SLC9A6: variants seen among roughly 807,000 people sequenced by gnomAD.
SLC9A6 encodes sodium/hydrogen exchanger 6.
SLC9A6 carries 6 observed loss-of-function variants against 45.3 expected under a neutral mutation model. That is an observed-to-expected ratio of 0.13 (90% CI 0.07 to 0.26). The LOEUF (loss-of-function observed/expected upper bound fraction) is 0.26, where lower values mean the gene tolerates loss of function less well. Ranked by LOEUF, SLC9A6 falls within the 10% of genes least tolerant of loss-of-function variation. The pLI is 1.00. For missense variants in SLC9A6, 278 were observed against 503.7 expected (o/e 0.55, Z 4.29); for synonymous variants, 191 against 187.7 (o/e 1.02, Z -0.14).
intron 7 of SLC9A6, among the ~76,000 whole-genome samples, chrX:136,004,800 A>G (rs1246272808): frequency 8.9e-6 from 1 of 112,339 alleles, no homozygotes; most frequent in Non-Finnish European, 1.9e-5. Flanking sequence ...TGTAACTCAT[A>G]TTGATACTGA....
chrX:136,026,249 C>T lies in SLC9A6; in HGVS notation c.1460+1766C>T, dbSNP rs187245963. On this transcript the variant is annotated intron_variant, in intron 13 of 17. Coordinates refer to ENST00000630721, the MANE Select transcript of SLC9A6 (RefSeq NM_001379110.1). ...TACAATTTTAAGGGCACTGCAAAGTCCTGAAAGTTTAAGATTCATGCAGAC... is the reference window on the plus strand; with the variant it reads ...TACAATTTTAAGGGCACTGCAAAGTTCTGAAAGTTTAAGATTCATGCAGAC... Among the ~76,000 whole-genome samples, 128 of 111,855 alleles carry T rather than the reference C, an allele frequency of 1.1e-3. 2 individuals carry two copies. The highest frequency in any genetic ancestry group is 2.0e-3 in the Non-Finnish European group (109 of 53,172).
Position 135,985,472 on chromosome X carries a change from G to A in SLC9A6, c.-62G>A. The A allele has an allele frequency of 9.8e-7, 1 of 1,023,757 alleles. No homozygotes were observed. Among genetic ancestry groups the A allele is most frequent in the East Asian group, 3.8e-5 (1 of 26,220 alleles). 84.4% of individuals were successfully genotyped at this position (1,023,757 alleles called of 1,213,427 possible). A position where few individuals can be genotyped will look rare whatever the true frequency, so the allele number is the denominator to read the frequency against. Reference sequence around the variant, plus strand: ...AGTGGTCCGACCGCGGGCGGCCGCCGGTGAGGTAGGGGCGGGAGGCGGGGG... The same window carrying A: ...AGTGGTCCGACCGCGGGCGGCCGCCAGTGAGGTAGGGGCGGGAGGCGGGGG... On this transcript the variant is annotated 5_prime_UTR_variant, in exon 1 of 18. Transcript: ENST00000630721.
At chrX:135,996,926 C>A (rs1210915784) in intron 3 of SLC9A6, among the ~76,000 whole-genome samples, 2 of 109,699 alleles carry the variant, frequency 1.8e-5, no homozygotes, top group Non-Finnish European at 3.8e-5. Flanking sequence ...GCCACCACGC[C>A]CGGCTAATTT....
rs1338596286 is a variant in SLC9A6 at position 135,994,871 on chromosome X, A to G, written c.255A>G (p.Ser85=). The change falls in exon 3 of 18, where the codon TCA becomes TCG. Residue 85 remains serine (S), a synonymous_variant. Coordinates refer to ENST00000630721, the MANE Select transcript of SLC9A6 (RefSeq NM_001379110.1). The part of the protein sequence containing the change: ...NNVTLSCEVQ[S]SPTTLLVNVS... Reference sequence around the variant, plus strand: ...TGACCCTGAGCTGTGAAGTGCAGTCAAGTCCAACTACCTTACTGGTAAATG... The same window carrying G: ...TGACCCTGAGCTGTGAAGTGCAGTCGAGTCCAACTACCTTACTGGTAAATG... The G allele has an allele frequency of 1.7e-6, 2 of 1,206,787 alleles. No individual in the cohort carries two copies. Among genetic ancestry groups the G allele is most frequent in the African/African-American group, 3.5e-5 (2 of 57,133 alleles).
chrX:135,987,068 G>C (rs2089351127), intron 2 of SLC9A6, among the ~76,000 whole-genome samples: 1 of 111,417 alleles, frequency 9.0e-6, no homozygotes, highest in African/African-American at 3.3e-5. Flanking sequence ...AGCAAGGAAA[G>C]GTAGTTGTGT....
At chrX:136,030,772 C>T (rs1392605795) in intron 15 of SLC9A6, among the ~76,000 whole-genome samples, 3 of 111,818 alleles carry the variant, frequency 2.7e-5, no homozygotes, top group Non-Finnish European at 5.6e-5. Flanking sequence ...TCACTGCCCT[C>T]TCTAGACTGA....
chrX:135,991,178 TA>T (rs1354295547), intron 2 of SLC9A6, among the ~76,000 whole-genome samples: 1 of 111,792 alleles, frequency 8.9e-6, no homozygotes, highest in Non-Finnish European at 1.9e-5. Context: ...GAATCATTAC[TA>T]CTCTAAAAAA....
At chrX:136,041,339 A>C in intron 17 of SLC9A6, among the ~76,000 whole-genome samples, 1 of 111,175 alleles carries the variant, frequency 9.0e-6, no homozygotes, top group Non-Finnish European at 1.9e-5. Context: ...AGTGAACCTC[A>C]TGTGAAACCA....
intron 17 of SLC9A6, among the ~76,000 whole-genome samples, chrX:136,041,439 G>A (rs1474291642): frequency 5.4e-5 from 6 of 111,943 alleles, no homozygotes; most frequent in African/African-American, 1.3e-4. Flanking sequence ...GTGTTATGTC[G>A]TGTCAGTGCA....
chrX:135,999,106 A>G (rs1187689119), intron 6 of SLC9A6, 138 bp downstream of exon 6: 8 of 483,611 alleles, frequency 1.7e-5, no homozygotes, highest in Non-Finnish European at 2.9e-5. Context: ...ATTGTGGAGG[A>G]AAAAACAAAA....
Position 136,044,764 on chromosome X carries a change from A to G in SLC9A6, c.*40A>G. 1 of 1,176,919 alleles carries G rather than the reference A, an allele frequency of 8.5e-7. No homozygotes were observed. Among genetic ancestry groups the G allele is most frequent in the South Asian group, 1.8e-5 (1 of 56,099 alleles). On this transcript the variant is annotated 3_prime_UTR_variant, in exon 18 of 18. Transcript: ENST00000630721. ...ACTTAGTGATTTGTAAAATTTGCACATGTGATTGTGAAGAAATTTGTACTA... is the reference window on the plus strand; with the variant it reads ...ACTTAGTGATTTGTAAAATTTGCACGTGTGATTGTGAAGAAATTTGTACTA...
intron 2 of SLC9A6, among the ~76,000 whole-genome samples, chrX:135,989,586 C>T (rs1173929794): frequency 8.9e-6 from 1 of 112,274 alleles, no homozygotes; most frequent in African/African-American, 3.2e-5. Context: ...GACTATGGCT[C>T]ATACCTTATT....
chrX:136,044,530 A>G lies in SLC9A6; in HGVS notation c.1846A>G (p.Thr616Ala), dbSNP rs1556623194. The G allele has an allele frequency of 6.6e-6, 8 of 1,205,833 alleles. No individual in the cohort carries two copies. The highest frequency in any genetic ancestry group is 2.2e-5 in the Admixed American group (1 of 45,731). Residue 616 changes from threonine (T) to alanine (A), a missense_variant, in exon 18 of 18, where the codon ACT (threonine) becomes GCT (alanine). Physicochemically the swap from Thr to Ala is moderately conservative, Grantham distance 58. This residue lies in a region of SLC9A6 where 91 missense variants were observed against 125.1 expected (regional missense o/e 0.73). Transcript: ENST00000630721. ...GDISLTYGDS[T>A]VNTEPATSSA... ...CATCAGTTTGACATATGGAGATTCTACTGTGAACACTGAACCGGCCACATC... is the reference window on the plus strand; with the variant it reads ...CATCAGTTTGACATATGGAGATTCTGCTGTGAACACTGAACCGGCCACATC...
At chrX:135,998,998 C>A in intron 6 of SLC9A6, 30 bp downstream of exon 6, 1 of 928,741 alleles carries the variant, frequency 1.1e-6, no homozygotes, top group Non-Finnish European at 1.6e-6. Context: ...AGTTTACATA[C>A]TTGAGGTGCA....
chrX:136,035,919 ATT>A (rs200801813), intron 16 of SLC9A6, among the ~76,000 whole-genome samples: 10 of 90,825 alleles, frequency 1.1e-4, no homozygotes, highest in African/African-American at 2.4e-4. Flanking sequence ...ACACCCAGCT[ATT>A]TTTTTTTTTT....
intron 17 of SLC9A6, among the ~76,000 whole-genome samples, chrX:136,043,067 A>G (rs1164771793): frequency 1.8e-5 from 2 of 112,237 alleles, no homozygotes; most frequent in African/African-American, 3.2e-5. Context: ...CTCAAACTTA[A>G]TAAAGACACT....
At chrX:136,001,973 A>G (rs2089590776) in intron 6 of SLC9A6, 135 bp from the exon 7 acceptor site, 1 of 472,943 alleles carries the variant, frequency 2.1e-6, no homozygotes, top group Non-Finnish European at 3.7e-6. Context: ...GGTCTTTAAT[A>G]TGGTAAGAGA....
In SLC9A6 at chrX:136,013,268, A is replaced by G. The variant is rs2070957501; in HGVS notation, c.992-81A>G. On this transcript the variant is annotated intron_variant, in intron 9 of 17. Coordinates refer to ENST00000630721, the MANE Select transcript of SLC9A6 (RefSeq NM_001379110.1). ...ATGAGAATTTCCAGACAAAGCCTAT[A>G]ATCTACTGTGAAGAAAGAACCTCAG... 4 of 821,948 alleles carry G rather than the reference A, an allele frequency of 4.9e-6. No homozygotes were observed. The Admixed American group carries it at 8.9e-5, about 18-fold the overall frequency. The allele number at this position is 821,948 out of a possible 1,213,427, so 67.7% of individuals were successfully genotyped here.
At chrX:135,992,137 C>T (rs1556615817) in intron 2 of SLC9A6, among the ~76,000 whole-genome samples, 2 of 111,829 alleles carry the variant, frequency 1.8e-5, no homozygotes. Context: ...TGTGTATGTT[C>T]CTTACCTCAT....
Sources: gnomAD v4.1 joint callset for allele counts (sites outside exome capture counted in the v4.1 genomes callset) on GRCh38, gnomAD v4.1.1 for gene constraint, gnomAD v4.1.1 regional missense constraint, MANE v1.5 for transcripts, NCBI Gene and HGNC (gene_info 2026-07-23, HGNC 2026-07-21) for gene names.